The following TMC1 variants were observed in gnomAD, a reference collection of about 807,000 sequenced individuals.
The protein encoded by TMC1 is transmembrane channel-like protein 1.
Under a neutral mutation model 105.8 loss-of-function variants are expected in TMC1, and 84 were observed. The observed-to-expected ratio is 0.79, with a 90% CI of 0.67 to 0.95. The LOEUF (loss-of-function observed/expected upper bound fraction) is 0.95. Ranked by LOEUF, TMC1 falls within the 40% of genes least tolerant of loss-of-function variation. The pLI is 0.00. For synonymous variants in TMC1, 315 were observed against 311.5 expected, an observed-to-expected ratio of 1.01 and a Z score of -0.12; for missense variants, 817 against 914.1, an observed-to-expected ratio of 0.89 and a Z score of 1.37.
intron 8 of TMC1, among the ~76,000 whole-genome samples, chr9:72,732,337 C>T (rs575821659): frequency 1.4e-4 from 21 of 152,138 alleles, no homozygotes; most frequent in Middle Eastern, 3.4e-3. Flanking sequence ...CCAAGGTGGG[C>T]GGATCACTTG....
chr9:72,789,306 G>GA lies in TMC1; in HGVS notation c.1220dup (p.Asn407LysfsTer2), dbSNP rs1564555185. On this transcript the variant is annotated frameshift_variant, in exon 15 of 24. Coordinates refer to ENST00000297784, the MANE Select transcript of TMC1 (RefSeq NM_138691.3). LOFTEE classifies it high-confidence loss of function. ...AGATCCTGACACCCTTGGGTGGTGG[G>GA]AAAAAAATGAAGTTCGTCTCTGCAT... 2.5e-6 allele frequency: 4 copies of GA among 1,613,854 alleles called. No individual in the cohort carries two copies. Among genetic ancestry groups the GA allele is most frequent in the South Asian group, 2.2e-5 (2 of 91,070 alleles).
At chr9:72,726,762 A>T (rs1202902991) in intron 8 of TMC1, among the ~76,000 whole-genome samples, 1 of 152,260 alleles carries the variant, frequency 6.6e-6, no homozygotes, top group Non-Finnish European at 1.5e-5. Context: ...ATTTAGGTTT[A>T]GCACTTCTAA....
In TMC1 at chr9:72,837,082, G is replaced by C. The variant is rs1220327459; in HGVS notation, c.*1109G>C. 1 of 152,382 alleles carries C rather than the reference G, an allele frequency of 6.6e-6. No individual in the cohort carries two copies. Among genetic ancestry groups the C allele is most frequent in the Non-Finnish European group, 1.5e-5 (1 of 68,236 alleles). 9.4% of individuals were successfully genotyped at this position (152,382 alleles called of 1,614,324 possible). On this transcript the variant is annotated 3_prime_UTR_variant, in exon 24 of 24. Transcript: ENST00000297784. ...CTCTCCCCGCTTGATTTTTTTGGCGGATGGGCTGTCCGTGTGGATGGTGGC... is the reference window on the plus strand; with the variant it reads ...CTCTCCCCGCTTGATTTTTTTGGCGCATGGGCTGTCCGTGTGGATGGTGGC...
At chr9:72,673,967 A>C (rs1290696852) in intron 5 of TMC1, among the ~76,000 whole-genome samples, 1 of 152,174 alleles carries the variant, frequency 6.6e-6, no homozygotes, top group African/African-American at 2.4e-5. Flanking sequence ...ATTCCAAGAA[A>C]ACAAAACTAC....
intron 2 of TMC1, among the ~76,000 whole-genome samples, chr9:72,593,948 C>T (rs1404560242): frequency 2.0e-5 from 3 of 152,020 alleles, no homozygotes; most frequent in African/African-American, 4.8e-5. Flanking sequence ...ACTAATATGG[C>T]GATGGTAGGG....
At chr9:72,687,148 G>A (rs987720412) in intron 5 of TMC1, among the ~76,000 whole-genome samples, 3 of 152,026 alleles carry the variant, frequency 2.0e-5, no homozygotes, top group Non-Finnish European at 2.9e-5. Context: ...TCACATTCTA[G>A]TGAAATAATC....
chr9:72,584,320 C>T (rs1371210508), intron 2 of TMC1, among the ~76,000 whole-genome samples: 1 of 149,568 alleles, frequency 6.7e-6, no homozygotes, highest in African/African-American at 2.5e-5. Context: ...GGCTGTAGTG[C>T]AGTGATGAGA....
At chr9:72,782,242 CT>C (rs1305356737) in intron 13 of TMC1, among the ~76,000 whole-genome samples, 1 of 152,132 alleles carries the variant, frequency 6.6e-6, no homozygotes, top group Non-Finnish European at 1.5e-5. Flanking sequence ...GCAGAAAAGG[CT>C]TTGGATAAAA....
chr9:72,602,638 A>T (rs1480093257), intron 2 of TMC1, among the ~76,000 whole-genome samples: 1 of 151,852 alleles, frequency 6.6e-6, no homozygotes, highest in Non-Finnish European at 1.5e-5. Context: ...GCCTCCCAAA[A>T]TGTTGGGATT....
At chr9:72,618,318 T>G (rs886164086) in intron 3 of TMC1, among the ~76,000 whole-genome samples, 1 of 152,114 alleles carries the variant, frequency 6.6e-6, no homozygotes, top group Admixed American at 6.6e-5. Flanking sequence ...CTACCATGCC[T>G]GCCTGTCTGG....
chr9:72,609,728 C>G (rs1824991604), intron 2 of TMC1, among the ~76,000 whole-genome samples: 1 of 152,154 alleles, frequency 6.6e-6, no homozygotes, highest in Non-Finnish European at 1.5e-5. Flanking sequence ...AGCTGTTGCT[C>G]TTCTTCAACA....
At chr9:72,690,248 CACTT>C (rs1209958580) in intron 6 of TMC1, among the ~76,000 whole-genome samples, 1 of 152,124 alleles carries the variant, frequency 6.6e-6, no homozygotes, top group African/African-American at 2.4e-5. Flanking sequence ...CTTTCCTTGA[CACTT>C]AATATTATTG....
chr9:72,767,327 A>AT (rs1269462333), intron 12 of TMC1, among the ~76,000 whole-genome samples: 1 of 152,234 alleles, frequency 6.6e-6, no homozygotes, highest in African/African-American at 2.4e-5. Context: ...GAATGAAGAA[A>AT]TTCAATGATC....
chr9:72,710,431 T>A (rs1826816666), intron 8 of TMC1, among the ~76,000 whole-genome samples: 1 of 152,216 alleles, frequency 6.6e-6, no homozygotes, highest in Non-Finnish European at 1.5e-5. Context: ...TGTCTAGTGC[T>A]GTCAGTGGAG....
chr9:72,703,504 C>T (rs1357557612), intron 8 of TMC1, among the ~76,000 whole-genome samples: 1 of 152,212 alleles, frequency 6.6e-6, no homozygotes, highest in African/African-American at 2.4e-5. Flanking sequence ...GTCCTACATT[C>T]TTCCATCACA....
intron 20 of TMC1, among the ~76,000 whole-genome samples, chr9:72,822,550 G>A (rs998002960): frequency 1.1e-4 from 17 of 151,614 alleles, no homozygotes; most frequent in African/African-American, 2.9e-4. Context: ...GTGTGTGTGT[G>A]TGTGTGTGTG....
intron 1 of TMC1, among the ~76,000 whole-genome samples, chr9:72,529,780 A>G (rs949941217): frequency 6.6e-5 from 10 of 152,280 alleles, no homozygotes; most frequent in African/African-American, 2.4e-4. Context: ...TGGTCTGTAC[A>G]TAAGAGAAAA....
chr9:72,705,750 T>C lies in TMC1; in HGVS notation c.362+5107T>C, dbSNP rs116674122. On this transcript the variant is annotated intron_variant, in intron 8 of 23. Transcript: ENST00000297784. ...GATACAGAAACACTCCAAGTATACT[T>C]TTGCAGGGAATTGGCTTTTGGATAG... Among the ~76,000 whole-genome samples the C allele has an allele frequency of 2.4e-3, 365 of 152,354 alleles. 2 individuals are homozygous for C. Among genetic ancestry groups the C allele is most frequent in the African/African-American group, 8.1e-3 (338 of 41,584 alleles).
intron 1 of TMC1, among the ~76,000 whole-genome samples, chr9:72,537,321 G>A (rs1030602623): frequency 4.6e-5 from 7 of 152,238 alleles, no homozygotes; most frequent in Admixed American, 4.6e-4. Flanking sequence ...CTCCCACTTA[G>A]TCATGCTAAT....
Sources: allele counts gnomAD v4.1 joint callset (sites outside exome capture counted in the v4.1 genomes callset), GRCh38; gene constraint gnomAD v4.1.1; transcripts MANE v1.5; gene names NCBI Gene and HGNC (gene_info 2026-07-23, HGNC 2026-07-21).